The following ZNF385D variants were observed in gnomAD, a reference collection of about 807,000 sequenced individuals.
ZNF385D encodes the protein zinc finger protein 659.
A neutral mutation model predicts 35.8 loss-of-function variants in ZNF385D; 15 were observed. The ratio of observed to expected loss-of-function variants is 0.42; its 90% CI spans 0.28 to 0.64. The LOEUF is 0.64. Ranked by LOEUF, ZNF385D falls within the 30% of genes least tolerant of loss-of-function variation. The pLI, the probability that ZNF385D is intolerant of heterozygous loss-of-function variation, is 0.23. For missense variants in ZNF385D, 474 were observed against 494.6 expected (o/e 0.96, Z 0.39); for synonymous variants, 212 against 186.8 (o/e 1.13, Z -1.10).
chr3:22,198,626 T>C (rs1224276917), intron 2 of ZNF385D, among the ~76,000 whole-genome samples: 1 of 152,088 alleles, frequency 6.6e-6, no homozygotes, highest in Non-Finnish European at 1.5e-5. Context: ...AGACCTTTAA[T>C]TTTTTTCTTA....
chr3:22,017,119 T>C (rs1696942226), intron 3 of ZNF385D, among the ~76,000 whole-genome samples: 1 of 152,106 alleles, frequency 6.6e-6, no homozygotes, highest in Admixed American at 6.6e-5. Flanking sequence ...AGATTTTATA[T>C]AGGTTAACAT....
chr3:22,184,944 T>C (rs1339182547), intron 2 of ZNF385D, among the ~76,000 whole-genome samples: 1 of 148,852 alleles, frequency 6.7e-6, no homozygotes, highest in African/African-American at 2.5e-5. Context: ...TTTAATCTTA[T>C]TTTTTTTTTA....
chr3:21,945,203 A>G (rs561116507), intron 3 of ZNF385D, among the ~76,000 whole-genome samples: 5 of 140,996 alleles, frequency 3.5e-5, no homozygotes, highest in African/African-American at 5.6e-5. Flanking sequence ...GATTGAGAGA[A>G]AGAGAATGAA....
chr3:22,367,046 G>A (rs1696688512), intron 2 of ZNF385D, among the ~76,000 whole-genome samples: 2 of 152,122 alleles, frequency 1.3e-5, no homozygotes, highest in Admixed American at 1.3e-4. Context: ...CTAGAATTTT[G>A]AAAGAATATA....
chr3:21,734,998 A>T (rs559591797), intron 1 of ZNF385D, among the ~76,000 whole-genome samples: 1 of 152,160 alleles, frequency 6.6e-6, no homozygotes, highest in Non-Finnish European at 1.5e-5. Flanking sequence ...TGCTCCAACA[A>T]GTTCCACCCT....
intron 1 of ZNF385D, among the ~76,000 whole-genome samples, chr3:21,674,549 A>G (rs1176765799): frequency 3.9e-5 from 6 of 152,108 alleles, no homozygotes; most frequent in Non-Finnish European, 7.4e-5. Flanking sequence ...TAAGCAATGT[A>G]ATTTGTGTTA....
intron 3 of ZNF385D, among the ~76,000 whole-genome samples, chr3:21,852,415 G>C (rs1473023927): frequency 6.6e-6 from 1 of 151,862 alleles, no homozygotes; most frequent in African/African-American, 2.4e-5. Flanking sequence ...CCAAGTGACT[G>C]TAATAGACAG....
chr3:22,143,530 T>G (rs1381583152), intron 3 of ZNF385D, among the ~76,000 whole-genome samples: 2 of 152,224 alleles, frequency 1.3e-5, no homozygotes, highest in Non-Finnish European at 2.9e-5. Context: ...CTATTTCTAT[T>G]GATTCATACA....
intron 3 of ZNF385D, among the ~76,000 whole-genome samples, chr3:22,060,310 C>G (rs532099477): frequency 2.0e-5 from 3 of 152,264 alleles, no homozygotes; most frequent in African/African-American, 7.2e-5. Flanking sequence ...GGTTCTGTTT[C>G]TCTAAAGAAC....
chr3:22,060,076 G>A (rs1391236227), intron 3 of ZNF385D, among the ~76,000 whole-genome samples: 1 of 152,126 alleles, frequency 6.6e-6, no homozygotes, highest in Non-Finnish European at 1.5e-5. Context: ...GATTTATACA[G>A]CCTTCCTTGC....
intron 5 of ZNF385D, among the ~76,000 whole-genome samples, chr3:21,436,498 A>G (rs764898408): frequency 5.3e-4 from 80 of 152,126 alleles, no homozygotes; most frequent in Admixed American, 3.9e-4. Flanking sequence ...CACTTTTTTA[A>G]TTGTCCAGGT....
chr3:22,125,850 T>C (rs1703395432), intron 3 of ZNF385D, among the ~76,000 whole-genome samples: 1 of 152,132 alleles, frequency 6.6e-6, no homozygotes, highest in African/African-American at 2.4e-5. Flanking sequence ...CAAGATCATA[T>C]CATCTGCAAA....
intron 3 of ZNF385D, among the ~76,000 whole-genome samples, chr3:22,137,622 C>T (rs1350090663): frequency 6.6e-6 from 1 of 152,174 alleles, no homozygotes; most frequent in African/African-American, 2.4e-5. Context: ...TTCAACAGCC[C>T]TTCATGCTAA....
At chr3:22,152,062 G>A (rs868521732) in intron 3 of ZNF385D, among the ~76,000 whole-genome samples, 6 of 151,870 alleles carry the variant, frequency 4.0e-5, no homozygotes, top group African/African-American at 1.5e-4. Flanking sequence ...GCGTCTGTGT[G>A]TTCTCATCAT....
At chr3:21,458,431 A>G (rs1430776038) in intron 4 of ZNF385D, among the ~76,000 whole-genome samples, 2 of 151,780 alleles carry the variant, frequency 1.3e-5, no homozygotes, top group Non-Finnish European at 2.9e-5. Context: ...GCAGTAAGCC[A>G]AGATCACACC....
Position 21,821,965 on chromosome 3 carries a change from C to CAAAA in ZNF385D, c.326-156941_326-156938dup, listed in dbSNP as rs34222360. Among the ~76,000 whole-genome samples, 633 of 108,430 alleles carry CAAAA rather than the reference C, an allele frequency of 5.8e-3. 10 individuals are homozygous for CAAAA. Among genetic ancestry groups the CAAAA allele is most frequent in the African/African-American group, 0.019 (505 of 26,174 alleles). The allele number at this position is 108,430 out of a possible 152,430, so 71.1% of individuals were successfully genotyped here. A position where few individuals can be genotyped will look rare whatever the true frequency, so the allele number is the denominator to read the frequency against. ...TGAATGACAGAGGAAGACCTTGTCTCAAAAAAAAAAAAAAAAAAAATTTAA... is the reference window on the plus strand; with the variant it reads ...TGAATGACAGAGGAAGACCTTGTCTCAAAAAAAAAAAAAAAAAAAAAAAATTTAA... On this transcript the variant is annotated intron_variant, in intron 3 of 5. Transcript: ENST00000494108.
chr3:22,292,949 A>C (rs1702376916), intron 2 of ZNF385D, among the ~76,000 whole-genome samples: 1 of 152,096 alleles, frequency 6.6e-6, no homozygotes. Context: ...TTCCCTTTAG[A>C]CATGATGCCA....
chr3:21,635,744 T>C (rs1255691246), intron 2 of ZNF385D, among the ~76,000 whole-genome samples: 1 of 152,090 alleles, frequency 6.6e-6, no homozygotes, highest in African/African-American at 2.4e-5. Context: ...CAAAGTCCAT[T>C]GTATCATTCT....
chr3:22,339,847 T>C (rs1426764189), intron 2 of ZNF385D, among the ~76,000 whole-genome samples: 1 of 152,158 alleles, frequency 6.6e-6, no homozygotes, highest in Non-Finnish European at 1.5e-5. Flanking sequence ...CTGATCGACA[T>C]CCGCTTTAAA....
Sources: allele counts gnomAD v4.1 joint callset (sites outside exome capture counted in the v4.1 genomes callset), GRCh38; gene constraint gnomAD v4.1.1; transcripts MANE v1.5; gene names NCBI Gene and HGNC (gene_info 2026-07-23, HGNC 2026-07-21).